Variants in FES observed in about 807,000 individuals in gnomAD.
FES encodes the protein tyrosine-protein kinase Fes/Fps.
Under a neutral mutation model 109.6 loss-of-function variants are expected in FES, and 83 were observed. That is an observed-to-expected ratio of 0.76 (90% CI 0.63 to 0.91). FES has a LOEUF of 0.91. Ranked by LOEUF, FES falls within the 40% of genes least tolerant of loss-of-function variation. The pLI is 0.00. For missense variants in FES, 943 were observed against 1,070.9 expected (o/e 0.88, Z 1.67); for synonymous variants, 458 against 442.1 (o/e 1.04, Z -0.45).
chr15:90,889,915 G>A lies in FES; in HGVS notation c.1002G>A (p.Leu334=). 1 of 1,613,532 alleles carries A rather than the reference G, an allele frequency of 6.2e-7. No individual in the cohort carries two copies. The highest frequency in any genetic ancestry group is 8.5e-7 in the Non-Finnish European group (1 of 1,179,940). ...VFRRQEMVTQ[L]QQELRNEEEN... ...GGCGGCAGGAGATGGTTACGCAGCT[G>A]CAACAGGAGCTCCGGAATGAAGAGG... is the stretch of plus-strand genomic sequence containing the variant. Residue 334 remains leucine (L), a synonymous_variant, in exon 8 of 19, where the codon CTG becomes CTA. Coordinates refer to ENST00000328850, the MANE Select transcript of FES (RefSeq NM_002005.4). This position sits in a 1 kb window ranked among gnomAD's most constrained non-coding sequence, Gnocchi z 6.1.
Position 90,887,378 on chromosome 15 carries a change from C to G in FES, c.668+8C>G, listed in dbSNP as rs746544835. 1.9e-6 allele frequency: 3 copies of G among 1,603,006 alleles called. No homozygotes were observed. The East Asian group carries it at 6.7e-5, about 36-fold the overall frequency. On this transcript the variant is annotated splice_region_variant and intron_variant, in intron 5 of 18. Coordinates refer to ENST00000328850, the MANE Select transcript of FES (RefSeq NM_002005.4). ...GGAGATGGCTTGCATCCTGTAAGCC[C>G]GCAGCCCCGTCCCCTGGCCCCCACC...
At chr15:90,892,151 TCTC>T (rs751299519) in intron 13 of FES, 40 bp downstream of exon 13, 44 of 1,610,918 alleles carry the variant, frequency 2.7e-5, no homozygotes, top group Non-Finnish European at 3.6e-5. Flanking sequence ...GCTGGCGACT[TCTC>T]CTGAGTCGCG....
Position 90,890,994 on chromosome 15 carries a change from C to T in FES, c.1333C>T (p.Leu445=). Reference sequence around the variant, plus strand: ...CTCCCTTGCCCAGCTCCCTCCACCGCTGCAGCTCATTCCGGAGGTGCAGAA... The same window carrying T: ...CTCCCTTGCCCAGCTCCCTCCACCGTTGCAGCTCATTCCGGAGGTGCAGAA... ...FRPKFSLPPP[L]QLIPEVQKPL... Residue 445 remains leucine (L), a synonymous_variant, in exon 11 of 19, where the codon CTG becomes TTG. Transcript: ENST00000328850. The T allele has an allele frequency of 6.3e-7, 1 of 1,587,540 alleles. No homozygotes were observed. The highest frequency in any genetic ancestry group is 8.6e-7 in the Non-Finnish European group (1 of 1,166,850).
In FES at chr15:90,889,667, C is replaced by T. The variant is rs199670637; in HGVS notation, c.926+31C>T. The T allele has an allele frequency of 2.6e-5, 42 of 1,610,786 alleles. No individual in the cohort carries two copies. The African/African-American group carries it at 3.9e-4, about 15-fold the overall frequency. On this transcript the variant is annotated intron_variant, in intron 7 of 18. Coordinates refer to ENST00000328850, the MANE Select transcript of FES (RefSeq NM_002005.4). The surrounding 1 kb of genome is among the most constrained non-coding windows in gnomAD (Gnocchi z 6.1). ...TGGTGGCTTTGCACCTGGGCTGCGG[C>T]GGGGCTCCCAGCAGACCACGAGTGT...
chr15:90,893,021 A>G (rs886602054), intron 14 of FES, 79 bp from the exon 15 acceptor site: 8 of 1,516,424 alleles, frequency 5.3e-6, no homozygotes, highest in South Asian at 1.2e-5. Context: ...TTGGAGGCCA[A>G]GCTCTTCTCC....
intron 1 of FES, chr15:90,884,749 A>G: frequency 3.1e-6 from 1 of 325,098 alleles, no homozygotes; most frequent in Non-Finnish European, 5.8e-6. Flanking sequence ...GACCTGGGCA[A>G]GGGTGTCCCT....
chr15:90,895,323 A>C (rs1868399027), intron 18 of FES, 93 bp from the exon 19 acceptor site: 6 of 1,140,262 alleles, frequency 5.3e-6, no homozygotes, highest in Non-Finnish European at 7.1e-6. Flanking sequence ...AGTGCATCTT[A>C]AGCAGCTCCT....
rs1306682659 is a variant in FES, at chr15:90,889,848, C to A, written c.935C>A (p.Ser312Ter). ...TVESVQHTLTSVTDELAVATE... is the reference protein window; with the variant it reads ...TVESVQHTLT ...CCTTCTCTTGGGTGCAGGCTGACCT[C>A]AGTGACAGATGAGCTGGCTGTGGCC... The change falls in exon 8 of 19, where the codon TCA becomes TAA. Residue 312 changes from serine to a stop codon, truncating the protein, a stop_gained. Transcript: ENST00000328850. LOFTEE classifies it high-confidence loss of function. The surrounding 1 kb of genome is among the most constrained non-coding windows in gnomAD (Gnocchi z 6.1). 1 of 1,613,650 alleles carries A rather than the reference C, an allele frequency of 6.2e-7. No homozygotes were observed. Among genetic ancestry groups the A allele is most frequent in the Non-Finnish European group, 8.5e-7 (1 of 1,179,916 alleles).
At position 90,885,463 on chromosome 15, in the gene FES, C is replaced by T; in HGVS notation, c.265C>T (p.Gln89Ter). 1 of 1,613,358 alleles carries T rather than the reference C, an allele frequency of 6.2e-7. No homozygotes were observed. Among genetic ancestry groups the T allele is most frequent in the Non-Finnish European group, 8.5e-7 (1 of 1,180,002 alleles). The change falls in exon 3 of 19, where the codon CAG becomes TAG. Residue 89 changes from glutamine (Q) to a stop codon, truncating the protein, a stop_gained. Transcript: ENST00000328850. LOFTEE classifies it high-confidence loss of function. The stretch of plus-strand genomic sequence containing the variant: ...TGAGGGCCTGAGCCGCTTGCTGCGG[C>T]AGCACGCAGAGGATCTGAACTCAGG... ...QTEGLSRLLR[Q>*]HAEDLNSGPL...
intron 11 of FES, 102 bp from the exon 12 acceptor site, chr15:90,891,452 C>A: frequency 6.6e-7 from 1 of 1,521,034 alleles, no homozygotes; most frequent in Non-Finnish European, 9.0e-7. Context: ...TGCCCCTGGT[C>A]CTGGGCAGGC....
chr15:90,895,648 A>T lies in FES; in HGVS notation c.*90A>T. ...AGCTCATATGCTGACAGCTCTTCAC[A>T]GTCCTGGACTCCTGCCACCAGCATC... On this transcript the variant is annotated 3_prime_UTR_variant, in exon 19 of 19. Transcript: ENST00000328850. 1 of 1,212,362 alleles carries T rather than the reference A, an allele frequency of 8.2e-7. No individual in the cohort carries two copies. Among genetic ancestry groups the T allele is most frequent in the South Asian group, 1.8e-5 (1 of 56,574 alleles). The allele number at this position is 1,212,362 out of a possible 1,614,324, so 75.1% of individuals were successfully genotyped here.
Position 90,893,362 on chromosome 15 carries a change from G to C in FES, c.1993G>C (p.Gly665Arg). ...LRVKTLLQMV[G>R]DAAAGMEYLE... ...GGTGAAGACTCTGCTGCAGATGGTG[G>C]GGGATGCAGCTGCTGGCATGGAGTA... Residue 665 changes from glycine to arginine, a missense_variant, in exon 16 of 19, where the codon GGG (glycine) becomes CGG (arginine). Physicochemically the swap from Gly to Arg is moderately radical, Grantham distance 125. Transcript: ENST00000328850. 6.4e-7 allele frequency: 1 copy of C among 1,565,144 alleles called. No individual in the cohort carries two copies. Among genetic ancestry groups the C allele is most frequent in the Non-Finnish European group, 8.7e-7 (1 of 1,155,836 alleles).
intron 3 of FES, 54 bp from the exon 4 acceptor site, chr15:90,886,907 A>G: frequency 6.4e-7 from 1 of 1,564,658 alleles, no homozygotes; most frequent in Non-Finnish European, 8.8e-7. Context: ...CCAGGCAAGA[A>G]TCTTCCACAA....
chr15:90,890,387 G>C lies in FES; in HGVS notation c.1237-14G>C. 1.9e-6 allele frequency: 3 copies of C among 1,612,162 alleles called. No individual in the cohort carries two copies. The highest frequency in any genetic ancestry group is 2.5e-6 in the Non-Finnish European group (3 of 1,179,748). ...TAAGCCTGGCCACCCGCTGACGTCT[G>C]TCCCTGGCCTCAGGAGCAGGAGCGA... On this transcript the variant is annotated splice_polypyrimidine_tract_variant and intron_variant, in intron 9 of 18. Transcript: ENST00000328850.
intron 13 of FES, chr15:90,892,398 C>T (rs938191135): frequency 5.1e-6 from 3 of 584,106 alleles, no homozygotes; most frequent in African/African-American, 1.9e-5. Flanking sequence ...TTACTGTAAG[C>T]CATAAGATAC....
At chr15:90,886,128 C>T (rs1040448420) in intron 3 of FES, among the ~76,000 whole-genome samples, 1 of 152,232 alleles carries the variant, frequency 6.6e-6, no homozygotes, top group Non-Finnish European at 1.5e-5. Flanking sequence ...GCTGGTCACC[C>T]TCCCTGCACC....
chr15:90,887,516 G>A, intron 5 of FES, 146 bp downstream of exon 5: 4 of 811,056 alleles, frequency 4.9e-6, no homozygotes, highest in Non-Finnish European at 7.5e-6. Context: ...GCCAAGGATT[G>A]GAAACAGGCA....
chr15:90,892,337 C>T (rs1411188129), intron 13 of FES: 2 of 604,708 alleles, frequency 3.3e-6, no homozygotes, highest in Admixed American at 5.8e-5. Context: ...TCATCACCCC[C>T]ACCCAGGCCG....
chr15:90,893,388 C>T lies in FES; in HGVS notation c.2019C>T (p.Tyr673=), dbSNP rs1376218962. 1.3e-6 allele frequency: 2 copies of T among 1,558,556 alleles called. No individual in the cohort carries two copies. The highest frequency in any genetic ancestry group is 1.7e-6 in the Non-Finnish European group (2 of 1,154,350). ...MVGDAAAGME[Y]LESKCCIHRD... ...GGGATGCAGCTGCTGGCATGGAGTACCTGGAGAGCAAGTGCTGCATCCACC... is the reference window on the plus strand; with the variant it reads ...GGGATGCAGCTGCTGGCATGGAGTATCTGGAGAGCAAGTGCTGCATCCACC... Residue 673 remains tyrosine, a synonymous_variant, in exon 16 of 19, where the codon TAC becomes TAT. Coordinates refer to ENST00000328850, the MANE Select transcript of FES (RefSeq NM_002005.4).
Sources: allele counts gnomAD v4.1 joint callset (sites outside exome capture counted in the v4.1 genomes callset), GRCh38; gene constraint gnomAD v4.1.1; non-coding constraint Gnocchi (gnomAD v3.1); transcripts MANE v1.5; gene names NCBI Gene and HGNC (gene_info 2026-07-23, HGNC 2026-07-21).